The following MANSC1 variants were observed in gnomAD, a reference collection of about 807,000 sequenced individuals.
MANSC1 encodes MANSC domain containing 1.
A neutral mutation model predicts 14.1 loss-of-function variants in MANSC1; 13 were observed. That is an observed-to-expected ratio of 0.92 (90% CI 0.60 to 1.46). The LOEUF is 1.46. Ranked by LOEUF, MANSC1 falls within the 40% of genes most tolerant of loss-of-function variation. MANSC1 has a pLI of 0.00. For missense variants in MANSC1, 486 were observed against 511.4 expected, an observed-to-expected ratio of 0.95 and a Z score of 0.48; for synonymous variants, 227 against 200.7, an observed-to-expected ratio of 1.13 and a Z score of -1.11.
At chr12:12,349,539 C>T (rs1047233409) in intron 1 of MANSC1, among the ~76,000 whole-genome samples, 2 of 152,034 alleles carry the variant, frequency 1.3e-5, no homozygotes, top group African/African-American at 2.4e-5. Context: ...TGTTGAAAGA[C>T]GGGGTAAAAG....
At chr12:12,345,275 G>C (rs1862996008) in intron 1 of MANSC1, among the ~76,000 whole-genome samples, 1 of 144,144 alleles carries the variant, frequency 6.9e-6, no homozygotes, top group Non-Finnish European at 1.5e-5. Flanking sequence ...AGCCACGATT[G>C]CACCACTGCA....
At position 12,343,166 on chromosome 12, in the gene MANSC1, C is replaced by T; in HGVS notation, c.149G>A (p.Arg50Lys). The T allele has an allele frequency of 6.2e-7, 1 of 1,614,074 alleles. No individual in the cohort carries two copies. The highest frequency in any genetic ancestry group is 8.5e-7 in the Non-Finnish European group (1 of 1,179,938). The change falls in exon 2 of 4, where the codon AGA (arginine) becomes AAA (lysine). Residue 50 changes from arginine (R) to lysine (K), a missense_variant. By Grantham distance (26) the Arg-to-Lys change is conservative. Transcript: ENST00000535902. ...DIQSSLSKGI[R>K]GNEPVYTSTQ... ...TGAAGTATATACGGGCTCATTGCCT[C>T]TGATTCCCTTAGAAAGAGATGACTG... is the stretch of plus-strand genomic sequence containing the variant.
chr12:12,338,436 A>T lies in MANSC1; in HGVS notation c.348T>A (p.Ser116Arg), dbSNP rs1173049397. 6.2e-7 allele frequency: 1 copy of T among 1,601,214 alleles called. No individual in the cohort carries two copies. Among genetic ancestry groups the T allele is most frequent in the Non-Finnish European group, 8.5e-7 (1 of 1,176,610 alleles). Residue 116 changes from serine to arginine, a missense_variant, in exon 3 of 4, where the codon AGT (serine) becomes AGA (arginine). By Grantham distance (110) the Ser-to-Arg change is moderately radical. Coordinates refer to ENST00000535902, the MANE Select transcript of MANSC1 (RefSeq NM_018050.4). ...TTTCATTACCTGTAATTATCCTGTAACTCATAAGTCCTTTTGCTGGTTTCA... is the reference window on the plus strand; with the variant it reads ...TTTCATTACCTGTAATTATCCTGTATCTCATAAGTCCTTTTGCTGGTTTCA... Reference protein sequence around the residue: ...CPLKPAKGLMSYRIITDFPSL... With the variant: ...CPLKPAKGLMRYRIITDFPSL...
chr12:12,341,951 C>G (rs1446042210), intron 2 of MANSC1, among the ~76,000 whole-genome samples: 1 of 150,340 alleles, frequency 6.7e-6, no homozygotes, highest in Non-Finnish European at 1.5e-5. Flanking sequence ...AAGATTGCGC[C>G]ACTGCGCTCC....
In MANSC1 at chr12:12,329,958, A is replaced by G; in HGVS notation, c.*69T>C. Reference sequence around the variant, plus strand: ...ATACAACCTCCTGCTAAGACTAGCAAGTCAGCAGAAACTCATTGCATTTGG... The same window carrying G: ...ATACAACCTCCTGCTAAGACTAGCAGGTCAGCAGAAACTCATTGCATTTGG... On this transcript the variant is annotated 3_prime_UTR_variant, in exon 4 of 4. Coordinates refer to ENST00000535902, the MANE Select transcript of MANSC1 (RefSeq NM_018050.4). 3.0e-6 allele frequency: 4 copies of G among 1,325,612 alleles called. No individual in the cohort carries two copies. The highest frequency in any genetic ancestry group is 4.2e-6 in the Non-Finnish European group (4 of 955,098). 82.1% of individuals were successfully genotyped at this position (1,325,612 alleles called of 1,614,324 possible).
intron 1 of MANSC1, among the ~76,000 whole-genome samples, chr12:12,344,171 A>G (rs1177906009): frequency 6.6e-6 from 1 of 152,038 alleles, no homozygotes; most frequent in Non-Finnish European, 1.5e-5. Flanking sequence ...ACATTGTGCT[A>G]AGGAATTTAC....
intron 3 of MANSC1, among the ~76,000 whole-genome samples, chr12:12,334,491 T>A (rs1007857533): frequency 6.6e-6 from 1 of 152,198 alleles, no homozygotes; most frequent in African/African-American, 2.4e-5. Flanking sequence ...CCTGTAGATA[T>A]AAACAGTCCT....
intron 2 of MANSC1, chr12:12,338,893 AC>A: frequency 4.0e-6 from 1 of 248,160 alleles, no homozygotes; most frequent in Non-Finnish European, 7.7e-6. Context: ...ACACACAAAC[AC>A]ACACACACAC....
At chr12:12,347,411 G>A (rs1364646605) in intron 1 of MANSC1, among the ~76,000 whole-genome samples, 1 of 152,192 alleles carries the variant, frequency 6.6e-6, no homozygotes, top group Non-Finnish European at 1.5e-5. Context: ...AATGCATAAT[G>A]TAAATACAGA....
intron 1 of MANSC1, among the ~76,000 whole-genome samples, chr12:12,348,843 C>A (rs749851567): frequency 1.9e-4 from 29 of 152,112 alleles, no homozygotes; most frequent in Non-Finnish European, 4.3e-4. Flanking sequence ...TCTAAAATGC[C>A]AGTTTCTATG....
intron 3 of MANSC1, among the ~76,000 whole-genome samples, chr12:12,337,983 C>T (rs1033742881): frequency 1.7e-4 from 26 of 152,026 alleles, no homozygotes; most frequent in African/African-American, 5.8e-4. Context: ...AGATTGGGTG[C>T]GTTCAGGGTG....
intron 3 of MANSC1, among the ~76,000 whole-genome samples, chr12:12,334,702 C>G (rs371909914): frequency 6.6e-6 from 1 of 152,338 alleles, no homozygotes; most frequent in East Asian, 1.9e-4. Flanking sequence ...GAACTTCATC[C>G]CATACATGCT....
chr12:12,332,277 C>T (rs1862800185), intron 3 of MANSC1, among the ~76,000 whole-genome samples: 1 of 152,220 alleles, frequency 6.6e-6, no homozygotes. Context: ...CACCTCCATG[C>T]CAGTTTCCAA....
intron 3 of MANSC1, among the ~76,000 whole-genome samples, chr12:12,336,651 C>G (rs1862862407): frequency 6.6e-6 from 1 of 152,014 alleles, no homozygotes; most frequent in Non-Finnish European, 1.5e-5. Context: ...CTTGGCCTCC[C>G]AAGTAGCTGG....
intron 1 of MANSC1, 119 bp from the exon 2 acceptor site, chr12:12,343,533 T>TA (rs1192793271): frequency 1.9e-6 from 1 of 515,506 alleles, no homozygotes; most frequent in Non-Finnish European, 3.5e-6. Context: ...GAAGAAAAGA[T>TA]ACACGTATTT....
intron 3 of MANSC1, among the ~76,000 whole-genome samples, chr12:12,335,306 A>G (rs1862843456): frequency 6.6e-6 from 1 of 151,138 alleles, no homozygotes; most frequent in Non-Finnish European, 1.5e-5. Context: ...TCCATTCCCA[A>G]GAGGGCGGCT....
intron 3 of MANSC1, among the ~76,000 whole-genome samples, chr12:12,332,062 C>G (rs371753690): frequency 6.6e-6 from 1 of 152,102 alleles, no homozygotes; most frequent in South Asian, 2.1e-4. Context: ...GATCACACAC[C>G]CCATTTATCA....
At chr12:12,340,372 T>C (rs1565801521) in intron 2 of MANSC1, among the ~76,000 whole-genome samples, 1 of 152,174 alleles carries the variant, frequency 6.6e-6, no homozygotes, top group Non-Finnish European at 1.5e-5. Flanking sequence ...GAAGATTTAG[T>C]TAGCCTCTGC....
chr12:12,328,984 T>TCACACACACA lies in MANSC1; in HGVS notation c.*1033_*1042dup, dbSNP rs35684053. The TCACACACACA allele has an allele frequency of 0.056, 7,367 of 131,552 alleles. 250 individuals are homozygous for TCACACACACA. Among genetic ancestry groups the TCACACACACA allele is most frequent in the Middle Eastern group, 0.093 (25 of 270 alleles). The allele number at this position is 131,552 out of a possible 1,614,324, so 8.1% of individuals were successfully genotyped here. A position where few individuals can be genotyped will look rare whatever the true frequency, so the allele number is the denominator to read the frequency against. ...GCCTGGGTGACAGAGCAAGACTCTG[T>TCACACACACA]CACACACACACACACACACACACAC... is the stretch of plus-strand genomic sequence containing the variant. On this transcript the variant is annotated 3_prime_UTR_variant, in exon 4 of 4. Coordinates refer to ENST00000535902, the MANE Select transcript of MANSC1 (RefSeq NM_018050.4).
Sources: gnomAD v4.1 joint callset for allele counts (sites outside exome capture counted in the v4.1 genomes callset) on GRCh38, gnomAD v4.1.1 for gene constraint, MANE v1.5 for transcripts, NCBI Gene and HGNC (gene_info 2026-07-23, HGNC 2026-07-21) for gene names.